Variants in RALGPS1 observed in about 807,000 individuals in gnomAD.
RALGPS1 encodes Ral GEF with PH domain and SH3 binding motif 1.
Under a neutral mutation model 78.8 loss-of-function variants are expected in RALGPS1, and 19 were observed. The observed-to-expected ratio is 0.24, with a 90% CI of 0.17 to 0.35. RALGPS1 has a LOEUF of 0.35. RALGPS1 is among the 10% of genes least tolerant of loss of function. The pLI, the probability that RALGPS1 is intolerant of heterozygous loss-of-function variation, is 1.00. For synonymous variants in RALGPS1, 228 were observed against 256.3 expected (o/e 0.89, Z 1.06); for missense variants, 454 against 688.3 (o/e 0.66, Z 3.81).
intron 8 of RALGPS1, among the ~76,000 whole-genome samples, chr9:127,154,909 A>G (rs1188465849): frequency 6.6e-6 from 1 of 152,204 alleles, no homozygotes; most frequent in Non-Finnish European, 1.5e-5. Flanking sequence ...TTGGAAAGAC[A>G]AGCTCAAGAG....
chr9:127,099,677 T>C (rs1273547495), intron 8 of RALGPS1, among the ~76,000 whole-genome samples: 2 of 152,188 alleles, frequency 1.3e-5, no homozygotes, highest in Non-Finnish European at 2.9e-5. Context: ...AAGATTCTGG[T>C]TATGGATGTA....
chr9:127,014,534 G>A (rs144969723), intron 4 of RALGPS1, among the ~76,000 whole-genome samples: 21 of 152,242 alleles, frequency 1.4e-4, no homozygotes, highest in African/African-American at 5.1e-4. Context: ...TAACTGGGAT[G>A]GGGGAGAAGA....
At chr9:127,199,906 A>C (rs981405424) in intron 14 of RALGPS1, among the ~76,000 whole-genome samples, 2 of 143,810 alleles carry the variant, frequency 1.4e-5, no homozygotes, top group Non-Finnish European at 3.2e-5. Flanking sequence ...GGGCACACAC[A>C]CACACGTACA....
chr9:127,063,365 A>G (rs2049384320), intron 7 of RALGPS1, among the ~76,000 whole-genome samples: 1 of 152,184 alleles, frequency 6.6e-6, no homozygotes, highest in African/African-American at 2.4e-5. Flanking sequence ...TGTGAGTCCC[A>G]TTTACCCTTT....
chr9:127,107,843 G>A, intron 8 of RALGPS1: 1 of 1,447,454 alleles, frequency 6.9e-7, no homozygotes, highest in Non-Finnish European at 9.3e-7. Flanking sequence ...TTCCCCATTT[G>A]TGGACACAGC....
chr9:126,917,748 G>A (rs769905367), intron 1 of RALGPS1, among the ~76,000 whole-genome samples: 9 of 152,328 alleles, frequency 5.9e-5, no homozygotes, highest in Non-Finnish European at 1.2e-4. Flanking sequence ...AGAACAGCAT[G>A]TAACATGCAA....
At chr9:127,004,371 C>T (rs1268718912) in intron 4 of RALGPS1, among the ~76,000 whole-genome samples, 2 of 152,242 alleles carry the variant, frequency 1.3e-5, no homozygotes, top group Non-Finnish European at 2.9e-5. Context: ...GTCTCAAACT[C>T]CTGACCTCAG....
rs181164219 is a variant in RALGPS1, at chr9:127,063,079, A to G, written c.484-6151A>G. ...GGAGCAACAGTCTCTTTGCTAAAAA[A>G]TATTTCCATGTATCAAGAAATATTA... On this transcript the variant is annotated intron_variant, in intron 7 of 18. Coordinates refer to ENST00000259351, the MANE Select transcript of RALGPS1 (RefSeq NM_014636.3). Among the ~76,000 whole-genome samples the G allele has an allele frequency of 3.3e-5, 5 of 152,344 alleles. No homozygotes were observed. The South Asian group carries it at 1.0e-3, about 32-fold the overall frequency.
At chr9:127,013,790 C>T (rs912786609) in intron 4 of RALGPS1, among the ~76,000 whole-genome samples, 2 of 152,132 alleles carry the variant, frequency 1.3e-5, no homozygotes, top group Non-Finnish European at 1.5e-5. Context: ...TCTGGCCTCC[C>T]GACTCACTCT....
chr9:127,140,662 A>G (rs2057709412), intron 8 of RALGPS1, among the ~76,000 whole-genome samples: 1 of 152,236 alleles, frequency 6.6e-6, no homozygotes, highest in South Asian at 2.1e-4. Context: ...ATAGGCAGTT[A>G]TACTTCTCAT....
intron 1 of RALGPS1, among the ~76,000 whole-genome samples, chr9:126,954,779 G>T (rs1326344176): frequency 3.3e-5 from 5 of 152,162 alleles, no homozygotes; most frequent in African/African-American, 1.2e-4. Flanking sequence ...TCCAGCCTGG[G>T]ACCTGGGTGA....
At chr9:126,964,723 G>A (rs1195925255) in intron 2 of RALGPS1, among the ~76,000 whole-genome samples, 1 of 149,740 alleles carries the variant, frequency 6.7e-6, no homozygotes, top group Non-Finnish European at 1.5e-5. Context: ...CAGGCCTATC[G>A]AAATCTGCAG....
At chr9:127,075,060 C>T (rs759373302) in intron 8 of RALGPS1, among the ~76,000 whole-genome samples, 2 of 152,198 alleles carry the variant, frequency 1.3e-5, no homozygotes, top group African/African-American at 2.4e-5. Context: ...GGCCTCTTGC[C>T]CCTCAGAGTT....
chr9:127,096,006 G>A (rs1430678212), intron 8 of RALGPS1, among the ~76,000 whole-genome samples: 1 of 152,162 alleles, frequency 6.6e-6, no homozygotes, highest in Non-Finnish European at 1.5e-5. Context: ...ATCTTCTGGG[G>A]AGGAAGGATC....
intron 11 of RALGPS1, chr9:127,178,125 G>A: frequency 1.1e-6 from 1 of 930,916 alleles, no homozygotes; most frequent in Non-Finnish European, 1.5e-6. Context: ...AGTTCTGGAG[G>A]ATGATTGGCT....
At chr9:126,982,596 A>G (rs1437949881) in intron 4 of RALGPS1, among the ~76,000 whole-genome samples, 1 of 151,856 alleles carries the variant, frequency 6.6e-6, no homozygotes, top group Non-Finnish European at 1.5e-5. Flanking sequence ...TATTATTACT[A>G]TTGTTGTTGT....
At chr9:126,956,164 G>A (rs1189678556) in intron 1 of RALGPS1, among the ~76,000 whole-genome samples, 8 of 152,074 alleles carry the variant, frequency 5.3e-5, no homozygotes, top group Non-Finnish European at 1.0e-4. Context: ...GAACCAGGGG[G>A]CACCCTGGTC....
intron 4 of RALGPS1, among the ~76,000 whole-genome samples, chr9:127,012,500 C>T (rs1313702836): frequency 1.3e-5 from 2 of 152,190 alleles, no homozygotes; most frequent in Non-Finnish European, 2.9e-5. Flanking sequence ...TGACTGTAGC[C>T]CCCTTGGTCC....
At chr9:127,071,039 CTA>C (rs750189739) in intron 8 of RALGPS1, among the ~76,000 whole-genome samples, 31 of 147,378 alleles carry the variant, frequency 2.1e-4, no homozygotes, top group Admixed American at 8.1e-4. Context: ...CTCTCTCTCT[CTA>C]TATATATATA....
Sources: gnomAD v4.1 joint callset for allele counts (sites outside exome capture counted in the v4.1 genomes callset) on GRCh38, gnomAD v4.1.1 for gene constraint, MANE v1.5 for transcripts, NCBI Gene and HGNC (gene_info 2026-07-23, HGNC 2026-07-21) for gene names.